The following FANCA variants were observed in gnomAD, a reference collection of about 807,000 sequenced individuals.
FANCA encodes the protein FA complementation group A.
FANCA carries 236 observed loss-of-function variants against 194.3 expected under a neutral mutation model. The ratio of observed to expected loss-of-function variants is 1.21; its 90% CI spans 1.09 to 1.35. FANCA has a LOEUF of 1.35. FANCA is among the 40% of genes most tolerant of loss of function. FANCA has a pLI of 0.00. For synonymous variants in FANCA, 1,014 were observed against 715.8 expected (o/e 1.42, Z -6.65); for missense variants, 2,628 against 1,813.9 (o/e 1.45, Z -8.15).
At chr16:89,747,898 G>C (rs954165791) in intron 33 of FANCA, among the ~76,000 whole-genome samples, 1 of 151,956 alleles carries the variant, frequency 6.6e-6, no homozygotes, top group African/African-American at 2.4e-5. Context: ...TACGCTGCCC[G>C]TCCCCACAGC....
At chr16:89,792,368 C>T (rs1567636567) in intron 12 of FANCA, 103 bp downstream of exon 12, 3 of 1,249,556 alleles carry the variant, frequency 2.4e-6, no homozygotes, top group African/African-American at 1.5e-5. Flanking sequence ...CATCCCTGAA[C>T]CTCTCGATGT....
rs2040744282 is a variant in FANCA at position 89,808,367 on chromosome 16, T to G, written c.523A>C (p.Ser175Arg). ...SFCQELWKIQ[S>R]SLLLEAVWHL... is the part of the protein sequence containing the mutation. ...CACACCGCTTCAAGCAACAAAGAACTCTGAAAAACAAAACAAAACAAACAA... is the reference window on the plus strand; with the variant it reads ...CACACCGCTTCAAGCAACAAAGAACGCTGAAAAACAAAACAAAACAAACAA... Residue 175 changes from serine to arginine, a missense_variant and splice_region_variant, in exon 6 of 43, where the codon AGT (serine) becomes CGT (arginine). Transcript: ENST00000389301. 3.1e-6 allele frequency: 5 copies of G among 1,613,982 alleles called. No homozygotes were observed. In the East Asian group the frequency reaches 1.1e-4, roughly 36 times the overall value.
At position 89,752,625 on chromosome 16, in the gene FANCA, T is replaced by C. The variant is rs149893055; in HGVS notation, c.2982-403A>G. On this transcript the variant is annotated intron_variant, in intron 30 of 42. Coordinates refer to ENST00000389301, the MANE Select transcript of FANCA (RefSeq NM_000135.4). ...GCAATTACTTTTTATTCCAATATTA[T>C]GATAATCCTCACTCAATAATCATAG... 1.7e-3 allele frequency among the ~76,000 whole-genome samples: 262 copies of C among 152,368 alleles called. 1 individual carries two copies. The highest frequency in any genetic ancestry group is 5.0e-3 in the South Asian group (24 of 4,830).
intron 36 of FANCA, among the ~76,000 whole-genome samples, chr16:89,743,950 T>C (rs1455550612): frequency 6.6e-6 from 1 of 152,028 alleles, no homozygotes; most frequent in East Asian, 1.9e-4. Context: ...CATGCTGGAC[T>C]ACAATGGCAT....
chr16:89,753,774 G>A (rs766972892), intron 30 of FANCA, among the ~76,000 whole-genome samples: 3 of 152,176 alleles, frequency 2.0e-5, no homozygotes, highest in African/African-American at 7.2e-5. Context: ...CTGCACTGGG[G>A]ACAGACACGG....
At chr16:89,746,912 G>GT in intron 33 of FANCA, 22 bp from the exon 34 acceptor site, 2 of 1,551,474 alleles carry the variant, frequency 1.3e-6, no homozygotes, top group Non-Finnish European at 1.7e-6. Context: ...TTCAAGGCAG[G>GT]TAAGAAAAGC....
chr16:89,801,343 CAA>C (rs60802306), intron 8 of FANCA, among the ~76,000 whole-genome samples: 67 of 100,278 alleles, frequency 6.7e-4, no homozygotes, highest in East Asian at 1.3e-3. Flanking sequence ...GACTCTGTCT[CAA>C]AAAAAAAAAA....
chr16:89,788,633 C>G (rs904045247), intron 14 of FANCA, among the ~76,000 whole-genome samples: 2 of 151,944 alleles, frequency 1.3e-5, no homozygotes, highest in Admixed American at 1.3e-4. Flanking sequence ...ATTGTATTTA[C>G]AAAAAAATTT....
rs375026730 is a variant in FANCA, at chr16:89,778,745, C to T, written c.1826+56G>A. ...TCTCTACAGAAGATCCACAATTCTT[C>T]GCATTGTCAGAAGAAACCTGGAAGT... On this transcript the variant is annotated intron_variant, in intron 20 of 42. Transcript: ENST00000389301. 1.6e-4 allele frequency: 239 copies of T among 1,510,216 alleles called. 1 individual carries two copies. Among genetic ancestry groups the T allele is most frequent in the Non-Finnish European group, 2.0e-4 (219 of 1,086,978 alleles). 93.6% of individuals were successfully genotyped at this position (1,510,216 alleles called of 1,614,324 possible). A position where few individuals can be genotyped will look rare whatever the true frequency, so the allele number is the denominator to read the frequency against.
Position 89,795,999 on chromosome 16 carries a change from G to A in FANCA, c.913C>T (p.His305Tyr), listed in dbSNP as rs774054025. ...VRCWFGVFSG[H>Y]TLGSVISTDP... ...GTGGAAATTACACTGCCAAGCGTGT[G>A]TCCACTGAACACTCCGAACCTGCCA... The change falls in exon 11 of 43, where the codon CAC becomes TAC. Residue 305 changes from histidine to tyrosine, a missense_variant. Coordinates refer to ENST00000389301, the MANE Select transcript of FANCA (RefSeq NM_000135.4). The A allele has an allele frequency of 1.5e-5, 25 of 1,613,890 alleles. No homozygotes were observed. In the East Asian group the frequency reaches 5.1e-4, roughly 33 times the overall value.
intron 31 of FANCA, among the ~76,000 whole-genome samples, chr16:89,750,681 G>A (rs2038556876): frequency 6.6e-6 from 1 of 151,998 alleles, no homozygotes; most frequent in African/African-American, 2.4e-5. Context: ...GCAGAGGCAG[G>A]AGAATAGTTT....
At chr16:89,802,214 C>T (rs2040480857) in intron 8 of FANCA, among the ~76,000 whole-genome samples, 1 of 152,010 alleles carries the variant, frequency 6.6e-6, no homozygotes, top group South Asian at 2.1e-4. Flanking sequence ...AGCAATTCTC[C>T]TGCCTCCACG....
chr16:89,779,062 A>G, intron 18 of FANCA, 59 bp from the exon 19 acceptor site: 1 of 1,533,172 alleles, frequency 6.5e-7, no homozygotes, highest in African/African-American at 1.4e-5. Context: ...CAATTCCCAC[A>G]GACGGTGACC....
At chr16:89,751,286 G>A (rs1248577365) in intron 31 of FANCA, among the ~76,000 whole-genome samples, 3 of 151,968 alleles carry the variant, frequency 2.0e-5, no homozygotes, top group African/African-American at 7.3e-5. Context: ...GTTCACTTGG[G>A]CCCAGGAGTT....
intron 30 of FANCA, among the ~76,000 whole-genome samples, chr16:89,753,319 C>A (rs542044271): frequency 1.6e-4 from 24 of 152,272 alleles, no homozygotes; most frequent in African/African-American, 5.5e-4. Flanking sequence ...GGGCCACTAC[C>A]GGTCTCCGCG....
In FANCA at chr16:89,811,003, C is replaced by G. The variant is rs754998572; in HGVS notation, c.352G>C (p.Ala118Pro). The G allele has an allele frequency of 2.5e-6, 4 of 1,613,980 alleles. No homozygotes were observed. The highest frequency in any genetic ancestry group is 3.4e-6 in the Non-Finnish European group (4 of 1,180,052). Residue 118 changes from alanine (A) to proline (P), a missense_variant, in exon 4 of 43, where the codon GCC becomes CCC. Ala to Pro is a conservative substitution (Grantham distance 27, BLOSUM62 -1). Transcript: ENST00000389301. ...GTGCAGATCTGTCCCACGCTAGAGG[C>G]AACCATCCCGGCTGAGAGAATACCC... ...PVGILSAGMV[A>P]SSVGQICTAP... is the part of the protein sequence containing the mutation.
At chr16:89,753,779 A>G (rs2038677717) in intron 30 of FANCA, among the ~76,000 whole-genome samples, 1 of 152,132 alleles carries the variant, frequency 6.6e-6, no homozygotes, top group South Asian at 2.1e-4. Flanking sequence ...CTGGGGACAG[A>G]CACGGTGGCT....
chr16:89,782,805 C>A (rs1005140579), intron 17 of FANCA, 54 bp downstream of exon 17: 1 of 1,498,504 alleles, frequency 6.7e-7, no homozygotes, highest in South Asian at 1.1e-5. Context: ...GAAACTGGAC[C>A]TTTGCATGGT....
chr16:89,789,087 C>G (rs928985138), intron 14 of FANCA, among the ~76,000 whole-genome samples: 3 of 152,022 alleles, frequency 2.0e-5, no homozygotes, highest in Non-Finnish European at 4.4e-5. Context: ...GCACAAATCT[C>G]TCAGCGCCTC....
Sources: gnomAD v4.1 joint callset for allele counts (sites outside exome capture counted in the v4.1 genomes callset) on GRCh38, gnomAD v4.1.1 for gene constraint, MANE v1.5 for transcripts, NCBI Gene and HGNC (gene_info 2026-07-23, HGNC 2026-07-21) for gene names.